ABLIM2: variants seen among roughly 807,000 people sequenced by gnomAD.
ABLIM2 encodes actin binding LIM protein family member 2.
ABLIM2 carries 53 observed loss-of-function variants against 97.7 expected under a neutral mutation model. The ratio of observed to expected loss-of-function variants is 0.54; its 90% CI spans 0.44 to 0.68. The LOEUF is 0.68. ABLIM2 is among the 30% of genes least tolerant of loss of function. The pLI, the probability that ABLIM2 is intolerant of heterozygous loss-of-function variation, is 0.00. For synonymous variants in ABLIM2, 361 were observed against 345.8 expected (o/e 1.04, Z -0.49); for missense variants, 835 against 867.2 (o/e 0.96, Z 0.47).
At chr4:7,983,139 C>G in intron 20 of ABLIM2, 125 bp downstream of exon 20, 4 of 1,001,204 alleles carry the variant, frequency 4.0e-6, no homozygotes, top group Non-Finnish European at 6.1e-6. Flanking sequence ...CTCTGCATCA[C>G]GGCAAGGCTC....
chr4:8,158,719 C>A lies in ABLIM2; in HGVS notation c.-30G>T, dbSNP rs1360833589. 5 of 1,437,542 alleles carry A rather than the reference C, an allele frequency of 3.5e-6. No individual in the cohort carries two copies. Among genetic ancestry groups the A allele is most frequent in the Non-Finnish European group, 4.6e-6 (5 of 1,095,028 alleles). 89.0% of individuals were successfully genotyped at this position (1,437,542 alleles called of 1,614,324 possible). A position where few individuals can be genotyped will look rare whatever the true frequency, so the allele number is the denominator to read the frequency against. On this transcript the variant is annotated 5_prime_UTR_variant, in exon 1 of 21. Transcript: ENST00000447017. ...GCAGCCGCTCGGAGTCGGGGCGGCC[C>A]GGCGCTGCGACAGCCAGACCCTCGG...
chr4:8,091,609 ATGTATAATTT>A (rs1828355974), intron 3 of ABLIM2, among the ~76,000 whole-genome samples: 4 of 43,006 alleles, frequency 9.3e-5, no homozygotes, highest in African/African-American at 8.4e-4. Context: ...TATATATATT[ATGTATAATTT>A]TATATAAAAT....
intron 14 of ABLIM2, among the ~76,000 whole-genome samples, chr4:8,014,005 C>A (rs1484301053): frequency 6.6e-6 from 1 of 152,190 alleles, no homozygotes; most frequent in Non-Finnish European, 1.5e-5. Context: ...GTCCAGGGGG[C>A]CAGCAGAGGT....
intron 10 of ABLIM2, among the ~76,000 whole-genome samples, chr4:8,035,614 C>G (rs1784069425): frequency 2.6e-5 from 4 of 152,186 alleles, no homozygotes; most frequent in Non-Finnish European, 5.9e-5. Flanking sequence ...ATGGACAGAG[C>G]AGCTCTGAAT....
intron 15 of ABLIM2, 22 bp from the exon 16 acceptor site, chr4:8,008,222 A>C: frequency 6.2e-7 from 1 of 1,608,050 alleles, no homozygotes; most frequent in Non-Finnish European, 8.5e-7. Flanking sequence ...AAACAAAGTC[A>C]TGCAAATGTC....
At chr4:8,145,390 G>T (rs1203506649) in intron 1 of ABLIM2, among the ~76,000 whole-genome samples, 2 of 152,006 alleles carry the variant, frequency 1.3e-5, no homozygotes, top group Non-Finnish European at 2.9e-5. Context: ...CTCCATGTTG[G>T]CCAGGCTGAT....
intron 1 of ABLIM2, among the ~76,000 whole-genome samples, chr4:8,156,309 C>T (rs1022042155): frequency 2.6e-5 from 4 of 151,734 alleles, no homozygotes; most frequent in African/African-American, 9.7e-5. Context: ...ACTTGCTGGG[C>T]TCACCATGTG....
chr4:8,004,241 G>A lies in ABLIM2; in HGVS notation c.1618+3818C>T, dbSNP rs1251888277. 4.0e-5 allele frequency among the ~76,000 whole-genome samples: 6 copies of A among 151,866 alleles called. No homozygotes were observed. Among genetic ancestry groups the A allele is most frequent in the Non-Finnish European group, 5.9e-5 (4 of 68,002 alleles). On this transcript the variant is annotated intron_variant, in intron 16 of 20. Coordinates refer to ENST00000447017, the MANE Select transcript of ABLIM2 (RefSeq NM_001130083.2). This position sits in a 1 kb window ranked among gnomAD's most constrained non-coding sequence, Gnocchi z 5.9. ...TCCCACCAGACATGGGACTCCGCCC[G>A]GTCCCACAGCGAGAGGACACACAGA...
At chr4:8,097,663 A>G (rs1211777233) in intron 2 of ABLIM2, among the ~76,000 whole-genome samples, 2 of 152,122 alleles carry the variant, frequency 1.3e-5, no homozygotes, top group Admixed American at 6.5e-5. Context: ...AGCACTGGGC[A>G]TACAGATCAG....
At chr4:7,979,328 A>G (rs576287571) in intron 20 of ABLIM2, among the ~76,000 whole-genome samples, 1 of 152,366 alleles carries the variant, frequency 6.6e-6, no homozygotes, top group East Asian at 1.9e-4. Context: ...ACGGCAGTCA[A>G]GGGCTTGCCA....
At chr4:8,073,850 G>A (rs1814040556) in intron 6 of ABLIM2, among the ~76,000 whole-genome samples, 1 of 152,128 alleles carries the variant, frequency 6.6e-6, no homozygotes, top group African/African-American at 2.4e-5. Context: ...CATTTTGGGA[G>A]GCTGAGGTAG....
rs1196220741 is a variant in ABLIM2, at chr4:8,021,057, C to T, written c.1268-754G>A. On this transcript the variant is annotated intron_variant, in intron 12 of 20. Coordinates refer to ENST00000447017, the MANE Select transcript of ABLIM2 (RefSeq NM_001130083.2). The surrounding 1 kb of genome is among the most constrained non-coding windows in gnomAD (Gnocchi z 5.5). ...ATTTTGTAAAGATGGGGTTTTGCCA[C>T]GTTGCCCTGGCTGGTCTTGAACTCC... 6.6e-6 allele frequency among the ~76,000 whole-genome samples: 1 copy of T among 151,932 alleles called. No individual in the cohort carries two copies. Among genetic ancestry groups the T allele is most frequent in the East Asian group, 1.9e-4 (1 of 5,164 alleles).
intron 17 of ABLIM2, among the ~76,000 whole-genome samples, chr4:7,991,830 G>A (rs1387748463): frequency 6.6e-6 from 1 of 152,132 alleles, no homozygotes; most frequent in Non-Finnish European, 1.5e-5. Context: ...GAGACGGAGA[G>A]AACAAATGCC....
chr4:8,147,176 A>C lies in ABLIM2; in HGVS notation c.10+11504T>G, dbSNP rs186314679. 1.2e-3 allele frequency among the ~76,000 whole-genome samples: 176 copies of C among 152,338 alleles called. No individual in the cohort carries two copies. The highest frequency in any genetic ancestry group is 4.0e-3 in the African/African-American group (168 of 41,570). On this transcript the variant is annotated intron_variant, in intron 1 of 20. Transcript: ENST00000447017. The surrounding 1 kb of genome is among the most constrained non-coding windows in gnomAD (Gnocchi z 5.3). ...ACATTTCACCTAACTGCTCCTCAAA[A>C]GATTAGACCAATTCATATTCTTATC...
chr4:7,974,772 T>C (rs1206828349), intron 20 of ABLIM2, among the ~76,000 whole-genome samples: 1 of 152,100 alleles, frequency 6.6e-6, no homozygotes, highest in Admixed American at 6.6e-5. Flanking sequence ...CATCCATCTA[T>C]CTATCCATCC....
chr4:8,054,268 G>T lies in ABLIM2; in HGVS notation c.764-22C>A. 6.2e-7 allele frequency: 1 copy of T among 1,613,608 alleles called. No individual in the cohort carries two copies. The highest frequency in any genetic ancestry group is 8.5e-7 in the Non-Finnish European group (1 of 1,179,560). ...GAACCTGTTGACAAATTCCCAAGAG[G>T]GAAATGATTAGAGTTATTTCCCATG... On this transcript the variant is annotated intron_variant, in intron 7 of 20. Coordinates refer to ENST00000447017, the MANE Select transcript of ABLIM2 (RefSeq NM_001130083.2). The surrounding 1 kb of genome is among the most constrained non-coding windows in gnomAD (Gnocchi z 4.9).
chr4:7,966,883 G>GGA lies in ABLIM2; in HGVS notation c.*106_*107insTC. On this transcript the variant is annotated 3_prime_UTR_variant, in exon 21 of 21. Transcript: ENST00000447017. ...GGGACCCCCTCCCGCCCACCCCATG[G>GGA]ACACAGAGAAGCCAGAGCAAGGTGT... 1 of 285,358 alleles carries GGA rather than the reference G, an allele frequency of 3.5e-6. No individual in the cohort carries two copies. The highest frequency in any genetic ancestry group is 3.6e-5 in the South Asian group (1 of 27,834). The allele number at this position is 285,358 out of a possible 1,614,324, so 17.7% of individuals were successfully genotyped here. A position where few individuals can be genotyped will look rare whatever the true frequency, so the allele number is the denominator to read the frequency against.
At chr4:8,134,059 G>A (rs982846041) in intron 1 of ABLIM2, among the ~76,000 whole-genome samples, 10 of 152,216 alleles carry the variant, frequency 6.6e-5, no homozygotes, top group Non-Finnish European at 1.3e-4. Context: ...GGGCACAGGC[G>A]GGCGGATGGG....
intron 10 of ABLIM2, among the ~76,000 whole-genome samples, chr4:8,034,345 GT>G (rs1782851321): frequency 6.6e-6 from 1 of 150,498 alleles, no homozygotes; most frequent in African/African-American, 2.5e-5. Flanking sequence ...ATGGGTGCAG[GT>G]AGGTGGTTGC....
Sources: gnomAD v4.1 joint callset for allele counts (sites outside exome capture counted in the v4.1 genomes callset) on GRCh38, gnomAD v4.1.1 for gene constraint, Gnocchi (gnomAD v3.1) non-coding constraint, MANE v1.5 for transcripts, NCBI Gene and HGNC (gene_info 2026-07-23, HGNC 2026-07-21) for gene names.